The following SLIT1 variants were observed in gnomAD, a reference collection of about 807,000 sequenced individuals.
SLIT1 encodes the protein slit homolog 1 protein.
Under a neutral mutation model 186.1 loss-of-function variants are expected in SLIT1, and 66 were observed. The observed-to-expected ratio is 0.35, with a 90% CI of 0.29 to 0.44. The LOEUF (loss-of-function observed/expected upper bound fraction) is 0.44, where lower values mean the gene tolerates loss of function less well. Ranked by LOEUF, SLIT1 falls within the 20% of genes least tolerant of loss-of-function variation. The probability of loss-of-function intolerance (pLI) is 1.00; values close to 1 mark genes in which losing one functional copy is unlikely to be tolerated. For missense variants in SLIT1, 1,638 were observed against 2,037.4 expected (o/e 0.80, Z 3.77); for synonymous variants, 761 against 833.8 (o/e 0.91, Z 1.50).
intron 4 of SLIT1, among the ~76,000 whole-genome samples, chr10:97,084,940 T>TTC (rs1451386674): frequency 1.4e-5 from 2 of 142,428 alleles, no homozygotes; most frequent in East Asian, 4.2e-4. Context: ...TTTTTTTTTT[T>TTC]TGAAACAGAG....
chr10:97,054,360 G>C (rs1848819174), intron 13 of SLIT1, among the ~76,000 whole-genome samples: 1 of 151,964 alleles, frequency 6.6e-6, no homozygotes, highest in African/African-American at 2.4e-5. Context: ...CAGAAGCCAA[G>C]CAGATGTTGG....
chr10:97,172,833 G>T (rs556872284), intron 1 of SLIT1, among the ~76,000 whole-genome samples: 1 of 152,166 alleles, frequency 6.6e-6, no homozygotes, highest in African/African-American at 2.4e-5. Context: ...GGTTGAGGCT[G>T]CAATGAGCTA....
At chr10:97,041,723 G>T (rs567645288) in intron 20 of SLIT1, among the ~76,000 whole-genome samples, 10 of 152,042 alleles carry the variant, frequency 6.6e-5, no homozygotes, top group African/African-American at 1.4e-4. Context: ...TGCCCGCCTC[G>T]GCCTCCCAAA....
intron 1 of SLIT1, among the ~76,000 whole-genome samples, chr10:97,181,245 T>A (rs1397597996): frequency 6.6e-6 from 1 of 152,230 alleles, no homozygotes; most frequent in Non-Finnish European, 1.5e-5. Flanking sequence ...AGCGCAGGCC[T>A]CTGCTGCAGG....
intron 1 of SLIT1, among the ~76,000 whole-genome samples, chr10:97,182,482 G>A (rs527593738): frequency 2.5e-4 from 38 of 152,282 alleles, no homozygotes; most frequent in Admixed American, 2.3e-3. Context: ...TCTCACCAAG[G>A]CCTCTTTCAA....
At chr10:97,162,245 C>A (rs1232582922) in intron 3 of SLIT1, among the ~76,000 whole-genome samples, 3 of 152,176 alleles carry the variant, frequency 2.0e-5, no homozygotes, top group Non-Finnish European at 2.9e-5. Flanking sequence ...GTGTTCTTCA[C>A]TGTTCTTCAG....
intron 4 of SLIT1, among the ~76,000 whole-genome samples, chr10:97,070,233 T>C (rs1848989621): frequency 1.3e-5 from 2 of 152,224 alleles, no homozygotes; most frequent in South Asian, 4.1e-4. Context: ...TGTTTGTTCT[T>C]GAAAGCCGCA....
chr10:97,020,514 C>A (rs554577558), intron 26 of SLIT1, among the ~76,000 whole-genome samples: 24 of 152,374 alleles, frequency 1.6e-4, no homozygotes, highest in African/African-American at 5.0e-4. Context: ...TCAGGCCCCC[C>A]GGAGCCGTTA....
At chr10:97,183,076 C>T (rs11189024) in intron 1 of SLIT1, among the ~76,000 whole-genome samples, 18,234 of 152,164 alleles carry the variant, frequency 0.12, 1,395 homozygotes, top group Non-Finnish European at 0.16. Flanking sequence ...AGATTGCCTG[C>T]CCTCTGTGCT....
chr10:97,065,130 A>AC (rs550182604), intron 5 of SLIT1, among the ~76,000 whole-genome samples: 109 of 137,700 alleles, frequency 7.9e-4, no homozygotes, highest in African/African-American at 3.3e-3. Flanking sequence ...GGGAGCAGGC[A>AC]CCCCCCTACA....
At chr10:97,080,804 G>A (rs1443487452) in intron 4 of SLIT1, among the ~76,000 whole-genome samples, 3 of 152,170 alleles carry the variant, frequency 2.0e-5, no homozygotes, top group Admixed American at 2.0e-4. Context: ...TTGACTTTTG[G>A]GGCAAATTGG....
At chr10:97,141,395 G>A (rs1004662167) in intron 4 of SLIT1, among the ~76,000 whole-genome samples, 1 of 152,122 alleles carries the variant, frequency 6.6e-6, no homozygotes, top group African/African-American at 2.4e-5. Context: ...AACAGCCCCA[G>A]GCCCCTTGAC....
At chr10:97,061,641 T>C (rs533083261) in intron 8 of SLIT1, among the ~76,000 whole-genome samples, 42 of 152,268 alleles carry the variant, frequency 2.8e-4, no homozygotes, top group Non-Finnish European at 4.7e-4. Context: ...TCTTTTTCAT[T>C]GCTGAGTAGT....
chr10:97,149,421 G>C (rs556111034), intron 4 of SLIT1, among the ~76,000 whole-genome samples: 13 of 152,286 alleles, frequency 8.5e-5, no homozygotes, highest in African/African-American at 2.6e-4. Flanking sequence ...AAGCGTCTGC[G>C]CTTGGGGCCT....
intron 13 of SLIT1, 143 bp downstream of exon 13, chr10:97,056,178 A>T: frequency 3.6e-6 from 3 of 835,266 alleles, no homozygotes; most frequent in Non-Finnish European, 5.6e-6. Flanking sequence ...GGTCTAACCC[A>T]GGTCTGTGTC....
rs143674794 is a variant in SLIT1 at position 97,138,649 on chromosome 10, GTT to G, written c.413+19167_413+19168del. ...ACGCAGTTGTGATTTGTAGGAAACT[GTT>G]TTTTTTTTTTTCTAGTTACCTTTAG... On this transcript the variant is annotated intron_variant, in intron 4 of 36. Transcript: ENST00000266058. Among the ~76,000 whole-genome samples, 421 of 59,030 alleles carry G rather than the reference GTT, an allele frequency of 7.1e-3. 3 individuals are homozygous for G. Among genetic ancestry groups the G allele is most frequent in the African/African-American group, 0.016 (391 of 24,988 alleles). 38.7% of individuals were successfully genotyped at this position (59,030 alleles called of 152,430 possible).
At position 97,004,898 on chromosome 10, in the gene SLIT1, G is replaced by A; in HGVS notation, c.3580-75C>T. On this transcript the variant is annotated intron_variant, in intron 32 of 36. Transcript: ENST00000266058. This position sits in a 1 kb window ranked among gnomAD's most constrained non-coding sequence, Gnocchi z 5.1. ...CACAGGCTAGCAGATGGGGCAGAGA[G>A]GGCACCCAAGATTGGAAGAGAGATG... is the stretch of plus-strand genomic sequence containing the variant. 1 of 1,563,568 alleles carries A rather than the reference G, an allele frequency of 6.4e-7. No homozygotes were observed. Among genetic ancestry groups the A allele is most frequent in the Non-Finnish European group, 8.8e-7 (1 of 1,138,050 alleles).
intron 4 of SLIT1, among the ~76,000 whole-genome samples, chr10:97,109,752 A>T (rs1849447672): frequency 6.6e-6 from 1 of 152,172 alleles, no homozygotes; most frequent in South Asian, 2.1e-4. Flanking sequence ...GTGCCTGATC[A>T]GTCATCTCAT....
At chr10:97,116,101 A>T (rs1849507609) in intron 4 of SLIT1, among the ~76,000 whole-genome samples, 1 of 152,200 alleles carries the variant, frequency 6.6e-6, no homozygotes, top group Non-Finnish European at 1.5e-5. Flanking sequence ...GAATCAACAA[A>T]ATACATTTCA....
Sources: allele counts gnomAD v4.1 joint callset (sites outside exome capture counted in the v4.1 genomes callset), GRCh38; gene constraint gnomAD v4.1.1; non-coding constraint Gnocchi (gnomAD v3.1); transcripts MANE v1.5; gene names NCBI Gene and HGNC (gene_info 2026-07-23, HGNC 2026-07-21).